KCNQ5: variants seen among roughly 807,000 people sequenced by gnomAD.
KCNQ5 encodes the protein potassium voltage-gated channel subfamily Q member 5.
Under a neutral mutation model 98.2 loss-of-function variants are expected in KCNQ5, and 30 were observed. The observed-to-expected ratio is 0.31, with a 90% CI of 0.23 to 0.41. KCNQ5 has a LOEUF of 0.41. KCNQ5 is among the 10% of genes least tolerant of loss of function. KCNQ5 has a pLI of 1.00. For synonymous variants in KCNQ5, 458 were observed against 449.4 expected (o/e 1.02, Z -0.24); for missense variants, 835 against 1,182.5 (o/e 0.71, Z 4.31).
chr6:72,684,870 G>T (rs546656755), intron 1 of KCNQ5, among the ~76,000 whole-genome samples: 2 of 152,160 alleles, frequency 1.3e-5, no homozygotes, highest in Non-Finnish European at 2.9e-5. Context: ...TTCTGTGTGT[G>T]TGTATGCGTG....
At chr6:72,970,193 A>G (rs2150282551) in intron 1 of KCNQ5, among the ~76,000 whole-genome samples, 1 of 152,316 alleles carries the variant, frequency 6.6e-6, no homozygotes, top group Admixed American at 6.5e-5. Context: ...CAGGAGTTCA[A>G]GGCTGCAGTG....
chr6:72,744,335 G>A (rs951477450), intron 1 of KCNQ5, among the ~76,000 whole-genome samples: 1 of 152,186 alleles, frequency 6.6e-6, no homozygotes, highest in African/African-American at 2.4e-5. Flanking sequence ...ATGGTAAGGA[G>A]GACTGTTATG....
chr6:72,781,736 A>G (rs896166709), intron 1 of KCNQ5, among the ~76,000 whole-genome samples: 1 of 151,562 alleles, frequency 6.6e-6, no homozygotes, highest in African/African-American at 2.4e-5. Context: ...AACAATTTCT[A>G]TGCTTGAAAA....
intron 5 of KCNQ5, among the ~76,000 whole-genome samples, chr6:73,103,400 C>T (rs940152754): frequency 1.3e-5 from 2 of 152,042 alleles, no homozygotes; most frequent in African/African-American, 2.4e-5. Context: ...AAATCAAACA[C>T]CACATGTTCT....
intron 1 of KCNQ5, among the ~76,000 whole-genome samples, chr6:72,923,650 G>A (rs754154090): frequency 6.6e-6 from 1 of 152,150 alleles, no homozygotes; most frequent in African/African-American, 2.4e-5. Context: ...TTGCACACAG[G>A]TAATGAGTAT....
intron 3 of KCNQ5, among the ~76,000 whole-genome samples, chr6:73,051,027 G>A (rs1182154080): frequency 2.0e-5 from 3 of 152,202 alleles, no homozygotes; most frequent in Non-Finnish European, 4.4e-5. Flanking sequence ...TACAAATAAG[G>A]CAGCTATGTA....
intron 1 of KCNQ5, among the ~76,000 whole-genome samples, chr6:72,885,942 T>G: frequency 6.6e-6 from 1 of 152,236 alleles, no homozygotes; most frequent in East Asian, 1.9e-4. Flanking sequence ...AGCTCTTATA[T>G]GAGTGTCAAC....
chr6:72,760,404 T>C (rs1772204477), intron 1 of KCNQ5, among the ~76,000 whole-genome samples: 1 of 151,944 alleles, frequency 6.6e-6, no homozygotes, highest in African/African-American at 2.4e-5. Flanking sequence ...GATTTTGAAC[T>C]GGACCCAAGT....
At chr6:72,646,517 A>G (rs181123374) in intron 1 of KCNQ5, among the ~76,000 whole-genome samples, 156 of 148,986 alleles carry the variant, frequency 1.0e-3, no homozygotes, top group Admixed American at 1.3e-3. Flanking sequence ...GATTTGGGGG[A>G]AAAAAAAGCA....
chr6:73,148,384 C>T (rs74507738), intron 10 of KCNQ5, among the ~76,000 whole-genome samples: 6 of 152,306 alleles, frequency 3.9e-5, no homozygotes, highest in Non-Finnish European at 7.3e-5. Context: ...GAGAAATACT[C>T]AAGTGCAGTG....
intron 1 of KCNQ5, among the ~76,000 whole-genome samples, chr6:72,645,498 G>C (rs1765553550): frequency 6.6e-6 from 1 of 151,920 alleles, no homozygotes; most frequent in Admixed American, 6.6e-5. Flanking sequence ...TAATAAGTAG[G>C]AAATGAATAA....
intron 1 of KCNQ5, among the ~76,000 whole-genome samples, chr6:72,916,696 G>A (rs1197583207): frequency 6.6e-6 from 1 of 152,040 alleles, no homozygotes; most frequent in Non-Finnish European, 1.5e-5. Context: ...ATATCTCATT[G>A]TTAAGTAAAT....
At chr6:72,624,567 TA>T (rs1474502467) in intron 1 of KCNQ5, among the ~76,000 whole-genome samples, 1 of 152,266 alleles carries the variant, frequency 6.6e-6, no homozygotes, top group Non-Finnish European at 1.5e-5. Flanking sequence ...TACAGAATTT[TA>T]AAACATTAAT....
chr6:73,082,917 G>A lies in KCNQ5; in HGVS notation c.918+5030G>A, dbSNP rs528159694. Among the ~76,000 whole-genome samples, 38 of 135,552 alleles carry A rather than the reference G, an allele frequency of 2.8e-4. No homozygotes were observed. In the South Asian group the frequency reaches 8.0e-3, roughly 29 times the overall value. The allele number at this position is 135,552 out of a possible 152,430, so 88.9% of individuals were successfully genotyped here. On this transcript the variant is annotated intron_variant, in intron 5 of 13. Transcript: ENST00000370398. ...TTTTTTTTTTTTTTTTTGAGACAGG[G>A]TCTCACTCTGTCACATAGGTTGCAG...
intron 5 of KCNQ5, among the ~76,000 whole-genome samples, chr6:73,099,138 A>G (rs962767855): frequency 1.3e-5 from 2 of 152,170 alleles, no homozygotes; most frequent in Non-Finnish European, 2.9e-5. Context: ...CTAAAATCAA[A>G]AAAGCATACA....
intron 5 of KCNQ5, among the ~76,000 whole-genome samples, chr6:73,080,038 C>A (rs1773703436): frequency 6.6e-6 from 1 of 152,160 alleles, no homozygotes; most frequent in Non-Finnish European, 1.5e-5. Context: ...CATTATCTTT[C>A]TTTTTATTAG....
intron 1 of KCNQ5, among the ~76,000 whole-genome samples, chr6:72,892,385 C>T (rs955317498): frequency 6.6e-6 from 1 of 152,168 alleles, no homozygotes; most frequent in Admixed American, 6.5e-5. Context: ...GGTCAGAGCC[C>T]TTGACATACA....
chr6:72,676,909 C>T (rs1767440896), intron 1 of KCNQ5, among the ~76,000 whole-genome samples: 1 of 149,730 alleles, frequency 6.7e-6, no homozygotes, highest in African/African-American at 2.5e-5. Flanking sequence ...GTCTTTAATT[C>T]TTAGGTATAA....
chr6:72,682,044 A>T (rs1018294213), intron 1 of KCNQ5, among the ~76,000 whole-genome samples: 1 of 152,150 alleles, frequency 6.6e-6, no homozygotes, highest in African/African-American at 2.4e-5. Context: ...GCTTTCAAGT[A>T]TGTGGAGAAA....
Sources: gnomAD v4.1 joint callset for allele counts (sites outside exome capture counted in the v4.1 genomes callset) on GRCh38, gnomAD v4.1.1 for gene constraint, MANE v1.5 for transcripts, NCBI Gene and HGNC (gene_info 2026-07-23, HGNC 2026-07-21) for gene names.